NBEA: variants seen among roughly 807,000 people sequenced by gnomAD.
The protein encoded by NBEA is neurobeachin.
NBEA carries 44 observed loss-of-function variants against 343.4 expected under a neutral mutation model. The observed-to-expected ratio is 0.13, with a 90% CI of 0.10 to 0.16. The LOEUF is 0.16. Among genes scored for constraint, NBEA ranks in the 10% least tolerant of loss-of-function variants. The probability of loss-of-function intolerance (pLI) is 1.00; values close to 1 mark genes in which losing one functional copy is unlikely to be tolerated. For synonymous variants in NBEA, 1,175 were observed against 1,238.7 expected (o/e 0.95, Z 1.08); for missense variants, 2,555 against 3,631.3 (o/e 0.70, Z 7.62).
intron 36 of NBEA, among the ~76,000 whole-genome samples, chr13:35,318,202 GT>G (rs2037881722): frequency 6.6e-6 from 1 of 152,160 alleles, no homozygotes; most frequent in South Asian, 2.1e-4. Flanking sequence ...AATGCTTCCA[GT>G]TTTTGCCCAT....
chr13:35,060,166 AC>A (rs1427852580), intron 8 of NBEA, among the ~76,000 whole-genome samples: 3 of 151,122 alleles, frequency 2.0e-5, no homozygotes, highest in African/African-American at 7.2e-5. Flanking sequence ...AAATAGAGTG[AC>A]AAGCAAACAA....
intron 38 of NBEA, among the ~76,000 whole-genome samples, chr13:35,424,618 G>A (rs1223650948): frequency 6.6e-6 from 1 of 152,106 alleles, no homozygotes; most frequent in African/African-American, 2.4e-5. Flanking sequence ...CTCTTTTTCA[G>A]TTGGGTCTCT....
At chr13:35,422,365 T>C (rs1206393370) in intron 38 of NBEA, among the ~76,000 whole-genome samples, 2 of 146,388 alleles carry the variant, frequency 1.4e-5, no homozygotes, top group African/African-American at 5.0e-5. Flanking sequence ...GTTCTCATTG[T>C]TCAGTTCCCA....
intron 38 of NBEA, among the ~76,000 whole-genome samples, chr13:35,411,506 G>T (rs1244062120): frequency 6.6e-6 from 1 of 151,666 alleles, no homozygotes; most frequent in Non-Finnish European, 1.5e-5. Context: ...GCCCAGGCTG[G>T]AGTGCAGTGG....
At chr13:35,219,164 T>G (rs2074227842) in intron 33 of NBEA, among the ~76,000 whole-genome samples, 1 of 152,126 alleles carries the variant, frequency 6.6e-6, no homozygotes, top group African/African-American at 2.4e-5. Flanking sequence ...ATTCTTTATT[T>G]AAGCTAGCCA....
chr13:34,974,171 G>T (rs563761619), intron 1 of NBEA, among the ~76,000 whole-genome samples: 37 of 152,276 alleles, frequency 2.4e-4, no homozygotes, highest in Non-Finnish European at 4.7e-4. Flanking sequence ...GCTTTTCATT[G>T]TTCTTTATGG....
At chr13:34,966,670 G>T (rs1463601944) in intron 1 of NBEA, among the ~76,000 whole-genome samples, 5 of 144,130 alleles carry the variant, frequency 3.5e-5, no homozygotes, top group Non-Finnish European at 7.5e-5. Flanking sequence ...GTGTGTACCT[G>T]TATATTCTCA....
intron 33 of NBEA, among the ~76,000 whole-genome samples, chr13:35,219,757 T>C (rs1387287541): frequency 6.6e-6 from 1 of 152,084 alleles, no homozygotes; most frequent in African/African-American, 2.4e-5. Flanking sequence ...GAGCCGATGT[T>C]TCCGTCTGAG....
At chr13:35,132,604 CATA>C (rs1566337903) in intron 17 of NBEA, among the ~76,000 whole-genome samples, 1 of 152,158 alleles carries the variant, frequency 6.6e-6, no homozygotes, top group Non-Finnish European at 1.5e-5. Flanking sequence ...CATGCTATGA[CATA>C]ATGAGTCCTA....
intron 31 of NBEA, among the ~76,000 whole-genome samples, chr13:35,203,554 G>T (rs1020388230): frequency 2.0e-5 from 3 of 152,076 alleles, no homozygotes; most frequent in South Asian, 2.1e-4. Context: ...AGTTCCATGA[G>T]AGCAGGGATT....
At chr13:35,273,600 AATAG>A (rs1170313544) in intron 34 of NBEA, among the ~76,000 whole-genome samples, 21 of 152,280 alleles carry the variant, frequency 1.4e-4, no homozygotes, top group Non-Finnish European at 1.5e-4. Flanking sequence ...AGATCAACAA[AATAG>A]ATAGACTGCT....
chr13:35,214,437 G>T (rs573571734), intron 33 of NBEA, among the ~76,000 whole-genome samples: 1 of 151,596 alleles, frequency 6.6e-6, no homozygotes, highest in Non-Finnish European at 1.5e-5. Flanking sequence ...CTTTATAATG[G>T]GTGGGTAACC....
At chr13:35,058,365 C>T (rs1301126236) in intron 7 of NBEA, among the ~76,000 whole-genome samples, 2 of 152,068 alleles carry the variant, frequency 1.3e-5, no homozygotes, top group African/African-American at 2.4e-5. Flanking sequence ...TCAATCTCTC[C>T]ATATATGGAT....
intron 55 of NBEA, 67 bp from the exon 56 acceptor site, chr13:35,665,015 TGCA>T: frequency 9.8e-7 from 1 of 1,024,772 alleles, no homozygotes; most frequent in Admixed American, 2.0e-5. Flanking sequence ...TTTTGAATAT[TGCA>T]TTGCTGGTGT....
chr13:35,612,303 T>G (rs906721134), intron 48 of NBEA, among the ~76,000 whole-genome samples: 1 of 151,990 alleles, frequency 6.6e-6, no homozygotes, highest in East Asian at 1.9e-4. Context: ...CGGCTAATTT[T>G]TTGTATTTTT....
chr13:35,369,214 G>C (rs991503674), intron 38 of NBEA, among the ~76,000 whole-genome samples: 1 of 140,046 alleles, frequency 7.1e-6, no homozygotes, highest in African/African-American at 2.7e-5. Context: ...TTGAAAATCA[G>C]TTGGCTGTAA....
intron 13 of NBEA, among the ~76,000 whole-genome samples, chr13:35,113,586 CATCTATCT>C (rs71078081): frequency 5.1e-4 from 75 of 146,802 alleles, no homozygotes; most frequent in East Asian, 1.2e-3. Context: ...CTCCTCCACT[CATCTATCT>C]ATCTATCTAT....
intron 33 of NBEA, among the ~76,000 whole-genome samples, chr13:35,229,950 G>C (rs555063836): frequency 6.6e-6 from 1 of 152,208 alleles, no homozygotes; most frequent in Non-Finnish European, 1.5e-5. Flanking sequence ...TTTTGCTGTT[G>C]TAATTCCAGC....
At chr13:35,202,945 ATCTTATTTGCTCTGCCT>A (rs2073123425) in intron 31 of NBEA, among the ~76,000 whole-genome samples, 1 of 151,964 alleles carries the variant, frequency 6.6e-6, no homozygotes, top group African/African-American at 2.4e-5. Context: ...TCTTATTTAA[ATCTTATTTGCTCTGCCT>A]TCTTAATATT....
Sources: gnomAD v4.1 joint callset for allele counts (sites outside exome capture counted in the v4.1 genomes callset) on GRCh38, gnomAD v4.1.1 for gene constraint, MANE v1.5 for transcripts, NCBI Gene and HGNC (gene_info 2026-07-23, HGNC 2026-07-21) for gene names.